Variants in TRAPPC10 observed in about 807,000 individuals in gnomAD.
TRAPPC10 encodes the protein trafficking protein particle complex subunit 10, also known as TRAPP 130 kDa subunit.
TRAPPC10 carries 23 observed loss-of-function variants against 125.5 expected under a neutral mutation model. The ratio of observed to expected loss-of-function variants is 0.18; its 90% CI spans 0.13 to 0.26. The LOEUF (loss-of-function observed/expected upper bound fraction) is 0.26. Ranked by LOEUF, TRAPPC10 falls within the 10% of genes least tolerant of loss-of-function variation. TRAPPC10 has a pLI of 1.00. For missense variants in TRAPPC10, 1,123 were observed against 1,308.4 expected, an observed-to-expected ratio of 0.86 and a Z score of 2.19; for synonymous variants, 509 against 518.0, an observed-to-expected ratio of 0.98 and a Z score of 0.24.
chr21:44,051,756 G>T (rs891919826), intron 3 of TRAPPC10, among the ~76,000 whole-genome samples: 4 of 152,242 alleles, frequency 2.6e-5, no homozygotes, highest in Middle Eastern at 3.2e-3. Context: ...CTTGCGGTTG[G>T]GGTGGTTCCC....
intron 19 of TRAPPC10, among the ~76,000 whole-genome samples, 160 bp from the exon 20 acceptor site, chr21:44,093,903 C>G (rs976986178): frequency 6.6e-5 from 10 of 152,212 alleles, no homozygotes; most frequent in African/African-American, 2.4e-4. Context: ...GGGACAGGTG[C>G]TGTGGGGCCT....
intron 3 of TRAPPC10, among the ~76,000 whole-genome samples, chr21:44,047,565 T>TGTGTGTGTGTGTGTGC (rs954810521): frequency 7.0e-4 from 103 of 147,192 alleles, no homozygotes; most frequent in South Asian, 2.8e-3. Flanking sequence ...TGTGTGTGTG[T>TGTGTGTGTGTGTGTGC]GCGCGCACAC....
intron 19 of TRAPPC10, 53 bp from the exon 20 acceptor site, chr21:44,094,010 C>A: frequency 6.4e-7 from 1 of 1,564,456 alleles, no homozygotes; most frequent in Non-Finnish European, 8.7e-7. Context: ...GTGTCTGTGT[C>A]CTCTTTGCGG....
At chr21:44,030,145 G>A (rs145785646) in intron 1 of TRAPPC10, among the ~76,000 whole-genome samples, 702 of 152,328 alleles carry the variant, frequency 4.6e-3, no homozygotes, top group African/African-American at 0.016. Context: ...CTTGGAGCAG[G>A]TGTTGGAGGC....
At chr21:44,012,717 C>T (rs911569726) in intron 1 of TRAPPC10, among the ~76,000 whole-genome samples, 157 bp downstream of exon 1, 2 of 152,010 alleles carry the variant, frequency 1.3e-5, no homozygotes, top group Admixed American at 1.3e-4. Flanking sequence ...GCGGGGCCCT[C>T]TGACTTTTCG....
rs2037577903 is a variant in TRAPPC10 at position 44,080,034 on chromosome 21, C to G, written c.1630C>G (p.Leu544Val). ...QIENYLQTSS[L>V]LASDHHLTEE... ...CTCCAGCTACCTGCAGACCAGCAGC[C>G]TCTTAGCCAGTGACCACCACCTCAC... The change falls in exon 13 of 23, where the codon CTC (leucine) becomes GTC (valine). Residue 544 changes from leucine to valine, a missense_variant. Leu to Val is a conservative substitution (Grantham distance 32). Transcript: ENST00000291574. 1 of 1,614,058 alleles carries G rather than the reference C, an allele frequency of 6.2e-7. No homozygotes were observed. Among genetic ancestry groups the G allele is most frequent in the Non-Finnish European group, 8.5e-7 (1 of 1,180,034 alleles).
chr21:44,060,574 C>A (rs896193452), intron 6 of TRAPPC10, among the ~76,000 whole-genome samples: 2 of 151,850 alleles, frequency 1.3e-5, no homozygotes, highest in African/African-American at 2.4e-5. Flanking sequence ...CCATGCCCGG[C>A]CTTATGTGTC....
chr21:44,064,303 ATGTGTGTGTGTGTG>A (rs10526131), intron 7 of TRAPPC10, among the ~76,000 whole-genome samples: 104 of 148,274 alleles, frequency 7.0e-4, no homozygotes, highest in South Asian at 4.1e-3. Flanking sequence ...TGTCATAAAT[ATGTGTGTGTGTGTG>A]TGTGTGTGTG....
chr21:44,065,664 G>A (rs902330575), intron 7 of TRAPPC10, among the ~76,000 whole-genome samples: 5 of 152,058 alleles, frequency 3.3e-5, no homozygotes, highest in Non-Finnish European at 5.9e-5. Flanking sequence ...AGCTGGCTGC[G>A]CCTCCTTACA....
chr21:44,022,638 A>G (rs1225661177), intron 1 of TRAPPC10, among the ~76,000 whole-genome samples: 1 of 151,862 alleles, frequency 6.6e-6, no homozygotes, highest in Non-Finnish European at 1.5e-5. Context: ...AATACCAAAT[A>G]TTCAGTGTTT....
At chr21:44,034,512 C>G (rs916231750) in intron 2 of TRAPPC10, among the ~76,000 whole-genome samples, 1 of 152,158 alleles carries the variant, frequency 6.6e-6, no homozygotes, top group African/African-American at 2.4e-5. Context: ...TAGCCAGATC[C>G]ATGCTTCCTA....
At chr21:44,020,959 C>T (rs1316931258) in intron 1 of TRAPPC10, among the ~76,000 whole-genome samples, 1 of 152,192 alleles carries the variant, frequency 6.6e-6, no homozygotes, top group East Asian at 1.9e-4. Context: ...GGAAGGCAGA[C>T]ACCATCTGTT....
chr21:44,072,921 G>A (rs182645786), intron 7 of TRAPPC10, among the ~76,000 whole-genome samples: 154 of 152,284 alleles, frequency 1.0e-3, no homozygotes, highest in African/African-American at 3.4e-3. Flanking sequence ...TGCAAGGTGC[G>A]GTCAGCCCGC....
intron 1 of TRAPPC10, among the ~76,000 whole-genome samples, chr21:44,019,931 T>G (rs2299815): frequency 6.6e-6 from 1 of 152,006 alleles, no homozygotes; most frequent in African/African-American, 2.4e-5. Context: ...CTAGATGTGG[T>G]TACAAGGTGG....
At chr21:44,074,178 G>T (rs2037100727) in intron 7 of TRAPPC10, 146 bp from the exon 8 acceptor site, 26 of 894,634 alleles carry the variant, frequency 2.9e-5, no homozygotes, top group Non-Finnish European at 4.4e-5. Flanking sequence ...TCTCTCTCCT[G>T]TAGCTCTGCA....
intron 10 of TRAPPC10, 79 bp from the exon 11 acceptor site, chr21:44,077,614 T>A: frequency 1.8e-6 from 2 of 1,116,242 alleles, no homozygotes; most frequent in Non-Finnish European, 2.6e-6. Context: ...GTCTTTTGTG[T>A]GAGCTTTAGG....
chr21:44,057,514 T>TCTCAAACTCCTGGC (rs1487502708), intron 5 of TRAPPC10, among the ~76,000 whole-genome samples: 5 of 152,102 alleles, frequency 3.3e-5, no homozygotes. Context: ...CCCAGGCTGG[T>TCTCAAACTCCTGGC]CTCAAACTCC....
rs1003841633 is a variant in TRAPPC10 at position 44,038,042 on chromosome 21, G to A, written c.285+115G>A. ...CGCGTGGTGGGGTGGAGTTGGAGAT[G>A]CGTGGAGAGTGCTGTGTGAGTACCA... is the stretch of plus-strand genomic sequence containing the variant. On this transcript the variant is annotated intron_variant, in intron 3 of 22. Transcript: ENST00000291574. 2.9e-6 allele frequency: 4 copies of A among 1,388,352 alleles called. No individual in the cohort carries two copies. In the African/African-American group the frequency reaches 5.8e-5, roughly 20 times the overall value. 86.0% of individuals were successfully genotyped at this position (1,388,352 alleles called of 1,614,324 possible). A position where few individuals can be genotyped will look rare whatever the true frequency, so the allele number is the denominator to read the frequency against.
intron 1 of TRAPPC10, among the ~76,000 whole-genome samples, chr21:44,027,619 T>C (rs1237266473): frequency 6.6e-6 from 1 of 152,208 alleles, no homozygotes; most frequent in African/African-American, 2.4e-5. Flanking sequence ...TCTTGATGTC[T>C]TGGTTTCCAT....
Sources: allele counts gnomAD v4.1 joint callset (sites outside exome capture counted in the v4.1 genomes callset), GRCh38; gene constraint gnomAD v4.1.1; transcripts MANE v1.5; gene names NCBI Gene and HGNC (gene_info 2026-07-23, HGNC 2026-07-21).